Variants in ARL13A observed in about 807,000 individuals in gnomAD.
The protein encoded by ARL13A is ADP-ribosylation factor-like protein 13A.
Under a neutral mutation model 19.1 loss-of-function variants are expected in ARL13A, and 16 were observed. The ratio of observed to expected loss-of-function variants is 0.84; its 90% CI spans 0.57 to 1.27. The LOEUF is 1.27. Among genes scored for constraint, ARL13A ranks in the 50% most tolerant of loss-of-function variants. The pLI is 0.00. For missense variants in ARL13A, 153 were observed against 186.4 expected, an observed-to-expected ratio of 0.82 and a Z score of 1.04; for synonymous variants, 69 against 71.3, an observed-to-expected ratio of 0.97 and a Z score of 0.17.
chrX:100,977,812 C>T (rs1210201506), intron 3 of ARL13A, among the ~76,000 whole-genome samples: 4 of 112,186 alleles, frequency 3.6e-5, no homozygotes, highest in South Asian at 7.5e-4. Context: ...TTGTTCTGCC[C>T]GTGTTGCTGC....
chrX:100,971,344 G>A (rs916823860), intron 1 of ARL13A, among the ~76,000 whole-genome samples: 22 of 106,431 alleles, frequency 2.1e-4, no homozygotes, highest in Middle Eastern at 4.8e-3. Flanking sequence ...CAGGTCTCCC[G>A]ATAGGTCCGT....
At chrX:100,979,953 G>GTC (rs1000276878) in intron 3 of ARL13A, among the ~76,000 whole-genome samples, 2 of 111,248 alleles carry the variant, frequency 1.8e-5, no homozygotes, top group African/African-American at 6.5e-5. Context: ...AACAAATGGA[G>GTC]TCTCTCTCTC....
At chrX:100,976,292 C>G (rs1244005714) in intron 3 of ARL13A, among the ~76,000 whole-genome samples, 1 of 110,254 alleles carries the variant, frequency 9.1e-6, no homozygotes, top group Non-Finnish European at 1.9e-5. Context: ...CCTGGAATTA[C>G]CAGTATGCTA....
rs753444998 is a variant in ARL13A at position 100,988,198 on chromosome X, C to G, written c.659C>G (p.Ser220Cys). ...SGERCSSHSF[S>C]TRTGMSKEKR... Reference sequence around the variant, plus strand: ...TCCTTTCCATCTTCCACCAGCTTCTCCACCAGAACAGGAATGTCAAAGGAG... The same window carrying G: ...TCCTTTCCATCTTCCACCAGCTTCTGCACCAGAACAGGAATGTCAAAGGAG... The change falls in exon 7 of 8, where the codon TCC becomes TGC. Residue 220 changes from serine (S) to cysteine (C), a missense_variant. Physicochemically the swap from Ser to Cys is moderately radical, Grantham distance 112 (BLOSUM62 -1). Transcript: ENST00000450049. 8.3e-7 allele frequency: 1 copy of G among 1,206,331 alleles called. No homozygotes were observed. Among genetic ancestry groups the G allele is most frequent in the Non-Finnish European group, 1.1e-6 (1 of 892,438 alleles).
At chrX:100,972,568 G>A (rs1472953573) in intron 1 of ARL13A, among the ~76,000 whole-genome samples, 1 of 62,258 alleles carries the variant, frequency 1.6e-5, no homozygotes, top group Admixed American at 1.5e-4. Flanking sequence ...CGGACGGGGC[G>A]GCTGGCCGGG....
chrX:100,979,391 G>T (rs1302990860), intron 3 of ARL13A, among the ~76,000 whole-genome samples: 1 of 111,749 alleles, frequency 8.9e-6, no homozygotes. Flanking sequence ...GGATAATTTT[G>T]CTGGATACAA....
At chrX:100,986,760 C>G (rs1165428003) in intron 4 of ARL13A, 36 bp from the exon 5 acceptor site, 1 of 1,022,264 alleles carries the variant, frequency 9.8e-7, no homozygotes, top group African/African-American at 1.9e-5. Context: ...TTTCACTCTT[C>G]CACTCTTTTC....
At chrX:100,980,918 G>A (rs1311858895) in intron 3 of ARL13A, among the ~76,000 whole-genome samples, 1 of 111,432 alleles carries the variant, frequency 9.0e-6, no homozygotes, top group Non-Finnish European at 1.9e-5. Context: ...TGGGGGCTTC[G>A]GGACTCTGCC....
chrX:100,988,825 T>TTA (rs1427479853), intron 7 of ARL13A, among the ~76,000 whole-genome samples: 6 of 86,283 alleles, frequency 7.0e-5, no homozygotes, highest in African/African-American at 1.4e-4. Context: ...TACAAGAACT[T>TTA]TATATATATA....
At chrX:100,985,941 T>C in intron 4 of ARL13A, 25 bp downstream of exon 4, 1 of 1,189,603 alleles carries the variant, frequency 8.4e-7, no homozygotes, top group Non-Finnish European at 1.1e-6. Flanking sequence ...TTCTGTCCTA[T>C]TTCTGCTTCC....
intron 3 of ARL13A, among the ~76,000 whole-genome samples, chrX:100,976,139 A>C (rs112378274): frequency 1.7e-3 from 188 of 110,148 alleles, no homozygotes; most frequent in Middle Eastern, 4.6e-3. Context: ...TCACAAGATT[A>C]TTGAAAAACG....
chrX:100,972,499 A>C (rs1249757416), intron 1 of ARL13A, among the ~76,000 whole-genome samples: 11 of 56,595 alleles, frequency 1.9e-4, no homozygotes, highest in African/African-American at 2.2e-4. Context: ...GACCCCCCCC[A>C]CCTCCCTCCC....
In ARL13A at chrX:100,985,714, CT is replaced by C; in HGVS notation, c.182del (p.Leu61CysfsTer2). 8.3e-7 allele frequency: 1 copy of C among 1,210,958 alleles called. No homozygotes were observed. Among genetic ancestry groups the C allele is most frequent in the Non-Finnish European group, 1.1e-6 (1 of 895,109 alleles). Reference protein sequence around the residue: ...DHCMKSELTTLLLDEYELSIY... With the variant: ...DHCMKSELTTXLLDEYELSIY... Reference sequence around the variant, plus strand: ...TTGCATGAAATCGGAACTGACTACACTTTTGTTAGATGAGTATGAACTTTCC... The same window carrying C: ...TTGCATGAAATCGGAACTGACTACACTTTGTTAGATGAGTATGAACTTTCC... On this transcript the variant is annotated frameshift_variant, in exon 4 of 8. Transcript: ENST00000450049. LOFTEE classifies it high-confidence loss of function.
chrX:100,989,460 A>G (rs1404684013), intron 7 of ARL13A, among the ~76,000 whole-genome samples: 1 of 110,161 alleles, frequency 9.1e-6, no homozygotes, highest in Admixed American at 9.7e-5. Context: ...AAATACAAAA[A>G]TTAGTCGGGC....
At chrX:100,990,330 C>G (rs1280690671) in intron 7 of ARL13A, 4 of 911,831 alleles carry the variant, frequency 4.4e-6, no homozygotes, top group Non-Finnish European at 4.0e-6. Flanking sequence ...TTTTTACTTT[C>G]AACAGAGAAA....
At chrX:100,983,168 A>G (rs770842662) in intron 3 of ARL13A, among the ~76,000 whole-genome samples, 2 of 111,156 alleles carry the variant, frequency 1.8e-5, no homozygotes, top group South Asian at 3.9e-4. Flanking sequence ...GTAAATTGTC[A>G]GGGAACAACC....
Position 100,988,619 on chromosome X carries a change from C to A in ARL13A, c.744+336C>A. On this transcript the variant is annotated intron_variant, in intron 7 of 7. Transcript: ENST00000450049. ...CATAGGCCTTCCCTAACAATTTCTA[C>A]AATAGTATTCCAATTTTGAGCCTGA... 3.6e-6 allele frequency: 3 copies of A among 826,377 alleles called. No individual in the cohort carries two copies. In the South Asian group the frequency reaches 9.2e-5, roughly 25 times the overall value. The allele number at this position is 826,377 out of a possible 1,213,427, so 68.1% of individuals were successfully genotyped here.
chrX:100,983,847 C>T (rs1412896279), intron 3 of ARL13A, among the ~76,000 whole-genome samples: 2 of 111,316 alleles, frequency 1.8e-5, no homozygotes, highest in African/African-American at 6.5e-5. Flanking sequence ...TATGTACTCT[C>T]ATTTCCAAAG....
In ARL13A at chrX:100,973,718, C is replaced by G; in HGVS notation, c.29C>G (p.Ser10Cys). 1 of 1,211,468 alleles carries G rather than the reference C, an allele frequency of 8.3e-7. No individual in the cohort carries two copies. The highest frequency in any genetic ancestry group is 1.1e-6 in the Non-Finnish European group (1 of 895,168). ...TTCCGGCTTTTGTCCTCCTGCTGCT[C>G]TTGCCTAAGGACAACAGAAGAGACA... MFRLLSSCC[S>C]CLRTTEETRR... The change falls in exon 2 of 8, where the codon TCT becomes TGT. Residue 10 changes from serine (S) to cysteine (C), a missense_variant. Physicochemically the swap from Ser to Cys is moderately radical, Grantham distance 112. Coordinates refer to ENST00000450049, the MANE Select transcript of ARL13A (RefSeq NM_001162491.2).
Sources: gnomAD v4.1 joint callset for allele counts (sites outside exome capture counted in the v4.1 genomes callset) on GRCh38, gnomAD v4.1.1 for gene constraint, MANE v1.5 for transcripts, NCBI Gene and HGNC (gene_info 2026-07-23, HGNC 2026-07-21) for gene names.